The following SLAMF1 variants were observed in gnomAD, a reference collection of about 807,000 sequenced individuals.
The protein encoded by SLAMF1 is signaling lymphocytic activation molecule family member 1.
In SLAMF1, 18 loss-of-function variants were observed where a neutral mutation model predicts 35.1. That is an observed-to-expected ratio of 0.51 (90% CI 0.35 to 0.76). The LOEUF (loss-of-function observed/expected upper bound fraction) is 0.76. SLAMF1 is among the 30% of genes least tolerant of loss of function. The pLI is 0.01. For missense variants in SLAMF1, 392 were observed against 413.0 expected (o/e 0.95, Z 0.44); for synonymous variants, 168 against 157.2 (o/e 1.07, Z -0.51).
intron 3 of SLAMF1, among the ~76,000 whole-genome samples, chr1:160,625,891 T>C (rs908439843): frequency 6.6e-6 from 1 of 151,804 alleles, no homozygotes; most frequent in African/African-American, 2.4e-5. Flanking sequence ...GATTGATTCA[T>C]TCAAGGTTTA....
rs1659043483 is a variant in SLAMF1, at chr1:160,612,505, C to T, written c.940G>A (p.Val314Ile). Residue 314 changes from valine (V) to isoleucine (I), a missense_variant, in exon 6 of 7, where the codon GTC (valine) becomes ATC (isoleucine). Coordinates refer to ENST00000302035, the MANE Select transcript of SLAMF1 (RefSeq NM_003037.5). ...TGCCTCACCTGGACAGACTCTGGGA[C>T]AGGCTCTGTGGCAGCAACATATATG... ...TTIYVAATEP[V>I]PESVQETNSI... is the part of the protein sequence containing the mutation. 1.2e-6 allele frequency: 2 copies of T among 1,611,688 alleles called. No homozygotes were observed. The highest frequency in any genetic ancestry group is 1.7e-6 in the Non-Finnish European group (2 of 1,178,358).
intron 2 of SLAMF1, among the ~76,000 whole-genome samples, chr1:160,635,889 C>T (rs927755841): frequency 2.6e-5 from 4 of 152,032 alleles, no homozygotes; most frequent in African/African-American, 9.7e-5. Flanking sequence ...TTTTAATCTT[C>T]TCAACAATTA....
chr1:160,630,254 C>G (rs918558446), intron 3 of SLAMF1, among the ~76,000 whole-genome samples: 1 of 152,194 alleles, frequency 6.6e-6, no homozygotes, highest in African/African-American at 2.4e-5. Context: ...AAGAATTGGA[C>G]TTTGCAATAA....
At chr1:160,625,081 C>G (rs1345127591) in intron 3 of SLAMF1, among the ~76,000 whole-genome samples, 1 of 152,164 alleles carries the variant, frequency 6.6e-6, no homozygotes, top group African/African-American at 2.4e-5. Flanking sequence ...TGGAGAACCT[C>G]AAGAACTAGA....
intron 4 of SLAMF1, 29 bp downstream of exon 4, chr1:160,624,067 T>C: frequency 6.8e-7 from 1 of 1,465,284 alleles, no homozygotes; most frequent in South Asian, 1.2e-5. Flanking sequence ...GAGAGTGTGA[T>C]AAGAATCTAT....
chr1:160,631,666 G>A (rs185652536), intron 3 of SLAMF1, among the ~76,000 whole-genome samples: 2 of 152,224 alleles, frequency 1.3e-5, no homozygotes, highest in Non-Finnish European at 2.9e-5. Flanking sequence ...CCAGGAAAGA[G>A]AAAGAGAGAG....
rs187719984 is a variant in SLAMF1, at chr1:160,610,627, C to A, written c.*121G>T. On this transcript the variant is annotated 3_prime_UTR_variant, in exon 7 of 7. Transcript: ENST00000302035. ...GAAGAAACATCACCAGGGAGTTGAT[C>A]TGAGAAGGGTACAGACGTGCAGCAT... 1.4e-6 allele frequency: 1 copy of A among 717,526 alleles called. No individual in the cohort carries two copies. 44.4% of individuals were successfully genotyped at this position (717,526 alleles called of 1,614,324 possible).
chr1:160,613,643 C>T (rs185387268), intron 5 of SLAMF1, among the ~76,000 whole-genome samples: 25 of 152,080 alleles, frequency 1.6e-4, no homozygotes, highest in Middle Eastern at 3.4e-3. Context: ...TGTTTTAATG[C>T]GAGAAAACTT....
At chr1:160,641,755 C>T (rs1660759949) in intron 1 of SLAMF1, among the ~76,000 whole-genome samples, 2 of 152,154 alleles carry the variant, frequency 1.3e-5, no homozygotes, top group African/African-American at 2.4e-5. Context: ...GTTCATAAAA[C>T]CCCTCGAGTG....
chr1:160,632,876 C>T (rs74123622), intron 3 of SLAMF1, among the ~76,000 whole-genome samples: 5,622 of 152,206 alleles, frequency 0.037, 374 homozygotes, highest in African/African-American at 0.13. Flanking sequence ...ATCAGAAAGC[C>T]TAGCTCCATC....
At chr1:160,631,906 C>T (rs1423535285) in intron 3 of SLAMF1, among the ~76,000 whole-genome samples, 2 of 151,924 alleles carry the variant, frequency 1.3e-5, no homozygotes, top group Admixed American at 1.3e-4. Context: ...GACAGGTGGG[C>T]CCTAATCCAA....
intron 5 of SLAMF1, among the ~76,000 whole-genome samples, chr1:160,614,171 T>G (rs1371117278): frequency 6.6e-6 from 1 of 152,240 alleles, no homozygotes; most frequent in African/African-American, 2.4e-5. Context: ...GTGGTTCAGA[T>G]AGATGGCTTT....
At chr1:160,615,384 T>C (rs112640487) in intron 5 of SLAMF1, among the ~76,000 whole-genome samples, 2,705 of 152,198 alleles carry the variant, frequency 0.018, 40 homozygotes, top group African/African-American at 0.033. Context: ...TAAGTCAAAG[T>C]TGTATTTTAT....
rs1557999118 is a variant in SLAMF1 at position 160,610,164 on chromosome 1, C to G, written c.*584G>C. 1 of 357,532 alleles carries G rather than the reference C, an allele frequency of 2.8e-6. No individual in the cohort carries two copies. Among genetic ancestry groups the G allele is most frequent in the East Asian group, 7.8e-5 (1 of 12,848 alleles). 22.1% of individuals were successfully genotyped at this position (357,532 alleles called of 1,614,324 possible). On this transcript the variant is annotated 3_prime_UTR_variant, in exon 7 of 7. Transcript: ENST00000302035. ...TGGGTTTTGCAAATAAAATAATATT[C>G]TTAGCTTCCTTTATACAATAATATC...
At chr1:160,625,537 A>T (rs1558007677) in intron 3 of SLAMF1, among the ~76,000 whole-genome samples, 2 of 152,202 alleles carry the variant, frequency 1.3e-5, no homozygotes, top group African/African-American at 4.8e-5. Context: ...ATTTGAAAAG[A>T]TTCTTTTTCT....
At chr1:160,628,514 T>C (rs1033382547) in intron 3 of SLAMF1, among the ~76,000 whole-genome samples, 4 of 152,344 alleles carry the variant, frequency 2.6e-5, no homozygotes, top group Admixed American at 2.0e-4. Context: ...ATATGTTTCT[T>C]TAAATATTAT....
At chr1:160,636,953 G>C in intron 2 of SLAMF1, 1 of 512,536 alleles carries the variant, frequency 2.0e-6, no homozygotes. Flanking sequence ...CCTTTCCTTT[G>C]GGAAATGGGA....
At chr1:160,639,761 T>C (rs890616733) in intron 1 of SLAMF1, among the ~76,000 whole-genome samples, 14 of 152,188 alleles carry the variant, frequency 9.2e-5, no homozygotes, top group African/African-American at 3.4e-4. Flanking sequence ...CTAGCACCGA[T>C]AGAATAAAAC....
chr1:160,632,676 T>C lies in SLAMF1; in HGVS notation c.700+1937A>G, dbSNP rs552722896. Among the ~76,000 whole-genome samples, 155 of 152,266 alleles carry C rather than the reference T, an allele frequency of 1.0e-3. 1 individual carries two copies. The highest frequency in any genetic ancestry group is 3.4e-3 in the Middle Eastern group (1 of 294). On this transcript the variant is annotated intron_variant, in intron 3 of 6. Coordinates refer to ENST00000302035, the MANE Select transcript of SLAMF1 (RefSeq NM_003037.5). ...CAGGGTAAAATATTCAGTGCCCTGT[T>C]TTTGTACTCTAATAGGGCAGCTATA...
Sources: gnomAD v4.1 joint callset for allele counts (sites outside exome capture counted in the v4.1 genomes callset) on GRCh38, gnomAD v4.1.1 for gene constraint, MANE v1.5 for transcripts, NCBI Gene and HGNC (gene_info 2026-07-23, HGNC 2026-07-21) for gene names.